The following SOX10 variants were observed in gnomAD, a reference collection of about 807,000 sequenced individuals.
SOX10 encodes the protein transcription factor SOX-10.
SOX10 carries 3 observed loss-of-function variants against 35.0 expected under a neutral mutation model. That is an observed-to-expected ratio of 0.09 (90% CI 0.04 to 0.22). SOX10 has a LOEUF of 0.22. SOX10 is among the 10% of genes least tolerant of loss of function. SOX10 has a pLI of 1.00. For synonymous variants in SOX10, 285 were observed against 291.0 expected, an observed-to-expected ratio of 0.98 and a Z score of 0.21; for missense variants, 436 against 655.1, an observed-to-expected ratio of 0.67 and a Z score of 3.65.
Position 37,983,248 on chromosome 22 carries a change from G to A in SOX10, c.428+109C>T. The A allele has an allele frequency of 2.3e-6, 3 of 1,287,584 alleles. No individual in the cohort carries two copies. Among genetic ancestry groups the A allele is most frequent in the African/African-American group, 1.5e-5 (1 of 68,204 alleles). The allele number at this position is 1,287,584 out of a possible 1,614,324, so 79.8% of individuals were successfully genotyped here. A position where few individuals can be genotyped will look rare whatever the true frequency, so the allele number is the denominator to read the frequency against. On this transcript the variant is annotated intron_variant, in intron 2 of 3. Transcript: ENST00000396884. The surrounding 1 kb of genome is among the most constrained non-coding windows in gnomAD (Gnocchi z 9.5). Reference sequence around the variant, plus strand: ...CTGGTCTTCCAGCCCTATCCAAGGAGGACTGCCAGACAGTCCCGCTCTGAG... The same window carrying A: ...CTGGTCTTCCAGCCCTATCCAAGGAAGACTGCCAGACAGTCCCGCTCTGAG...
chr22:37,972,403 A>G lies in SOX10; in HGVS notation c.*1092T>C. ...AGGAGAGGGGACTACTGAGATAAAT[A>G]ACAGGAGACAGTAATGAGTTACATG... On this transcript the variant is annotated 3_prime_UTR_variant, in exon 4 of 4. Transcript: ENST00000396884. The G allele has an allele frequency of 2.5e-6, 1 of 395,716 alleles. No homozygotes were observed. The highest frequency in any genetic ancestry group is 3.4e-5 in the Admixed American group (1 of 29,684). The allele number at this position is 395,716 out of a possible 1,614,324, so 24.5% of individuals were successfully genotyped here. A position where few individuals can be genotyped will look rare whatever the true frequency, so the allele number is the denominator to read the frequency against.
In SOX10 at chr22:37,974,347, G is replaced by GT. The variant is rs916489152; in HGVS notation, c.698-150dup. 5,931 of 582,076 alleles carry GT rather than the reference G, an allele frequency of 0.01. 186 individuals carry two copies. The highest frequency in any genetic ancestry group is 0.084 in the African/African-American group (4,173 of 49,750). The allele number at this position is 582,076 out of a possible 1,614,324, so 36.1% of individuals were successfully genotyped here. A position where few individuals can be genotyped will look rare whatever the true frequency, so the allele number is the denominator to read the frequency against. ...TTCACATTTTGGCAGCATGAGTCGG[G>GT]TTTTTTTTTGTTTTTTTTTTTTGAG... On this transcript the variant is annotated intron_variant, in intron 3 of 3. Coordinates refer to ENST00000396884, the MANE Select transcript of SOX10 (RefSeq NM_006941.4). The surrounding 1 kb of genome is among the most constrained non-coding windows in gnomAD (Gnocchi z 5.4).
In SOX10 at chr22:37,980,048, C is replaced by G. The variant is rs1932348372; in HGVS notation, c.429-1913G>C. ...TGCGGCTTAGCCTCCCTGTCTACTC[C>G]CCCCACCCCGGCCCTGAGCCCAGCC... On this transcript the variant is annotated intron_variant, in intron 2 of 3. Coordinates refer to ENST00000396884, the MANE Select transcript of SOX10 (RefSeq NM_006941.4). The surrounding 1 kb of genome is among the most constrained non-coding windows in gnomAD (Gnocchi z 4.1). 6.6e-6 allele frequency among the ~76,000 whole-genome samples: 1 copy of G among 152,158 alleles called. No homozygotes were observed. The highest frequency in any genetic ancestry group is 1.5e-5 in the Non-Finnish European group (1 of 68,024).
intron 3 of SOX10, among the ~76,000 whole-genome samples, chr22:37,976,084 G>T (rs1932211204): frequency 6.6e-6 from 1 of 152,102 alleles, no homozygotes; most frequent in South Asian, 2.1e-4. Context: ...TTAGCTGGGT[G>T]TGGTGGCGTG....
intron 3 of SOX10, among the ~76,000 whole-genome samples, chr22:37,977,234 T>C (rs1197658520): frequency 6.6e-6 from 1 of 151,218 alleles, no homozygotes; most frequent in Admixed American, 6.6e-5. Context: ...CATTTGCTCT[T>C]CCATTTCTCA....
intron 3 of SOX10, among the ~76,000 whole-genome samples, chr22:37,976,629 C>T (rs1932229074): frequency 6.6e-6 from 1 of 152,150 alleles, no homozygotes. Context: ...TGCCCGGGAG[C>T]CAAACTGGGG....
At position 37,973,493 on chromosome 22, in the gene SOX10, C is replaced by G; in HGVS notation, c.*2G>C. On this transcript the variant is annotated 3_prime_UTR_variant, in exon 4 of 4. Transcript: ENST00000396884. ...CGGGGGGTGGTGGCGACAGGGCCCC[C>G]TTTAGGGCCGGGACAGTGTCGTATA... 6.3e-7 allele frequency: 1 copy of G among 1,578,412 alleles called. No individual in the cohort carries two copies. Among genetic ancestry groups the G allele is most frequent in the Non-Finnish European group, 8.6e-7 (1 of 1,160,516 alleles).
intron 2 of SOX10, among the ~76,000 whole-genome samples, chr22:37,981,687 C>G (rs1932401107): frequency 6.6e-6 from 1 of 152,204 alleles, no homozygotes; most frequent in Non-Finnish European, 1.5e-5. Flanking sequence ...TCCTGGTTGT[C>G]TGTTTCTCAC....
intron 3 of SOX10, among the ~76,000 whole-genome samples, chr22:37,976,876 C>T (rs1293387813): frequency 1.3e-5 from 2 of 152,058 alleles, no homozygotes; most frequent in Admixed American, 1.3e-4. Flanking sequence ...CATGGCCAGA[C>T]ACGGTATCAC....
In SOX10 at chr22:37,973,767, G is replaced by C; in HGVS notation, c.1129C>G (p.Gln377Glu). 1 of 1,596,860 alleles carries C rather than the reference G, an allele frequency of 6.3e-7. No individual in the cohort carries two copies. Among genetic ancestry groups the C allele is most frequent in the Non-Finnish European group, 8.6e-7 (1 of 1,169,120 alleles). Residue 377 changes from glutamine (Q) to glutamate (E), a missense_variant, in exon 4 of 4, where the codon CAG becomes GAG. Physicochemically the swap from Gln to Glu is conservative, Grantham distance 29. This residue lies in a region of SOX10 where 285 missense variants were observed against 402.9 expected (regional missense o/e 0.71). Transcript: ENST00000396884. ...AGGCTGAGGGAGGTGTAGGCGATCTGTGAGGTGGATGGCTGGTCGGTGTAG... is the reference window on the plus strand; with the variant it reads ...AGGCTGAGGGAGGTGTAGGCGATCTCTGAGGTGGATGGCTGGTCGGTGTAG... ...PHYTDQPSTS[Q>E]IAYTSLSLPH...
At chr22:37,976,336 CG>C (rs1932219454) in intron 3 of SOX10, among the ~76,000 whole-genome samples, 1 of 152,222 alleles carries the variant, frequency 6.6e-6, no homozygotes, top group Admixed American at 6.5e-5. Flanking sequence ...GCTGGGACTG[CG>C]GGCGCATTCC....
Position 37,983,566 on chromosome 22 carries a change from G to A in SOX10, c.219C>T (p.Arg73=). Residue 73 remains arginine, a synonymous_variant, in exon 2 of 4, where the codon CGC becomes CGT. Transcript: ENST00000396884. The surrounding 1 kb of genome is among the most constrained non-coding windows in gnomAD (Gnocchi z 9.5). ...CGCTGAGCACCTGGCTGACGGCCTC[G>A]CGGATGCACACGGGGAACTTGTCAT... The part of the protein sequence containing the change: ...ADDDKFPVCI[R]EAVSQVLSGY... The A allele has an allele frequency of 1.2e-6, 2 of 1,610,394 alleles. No homozygotes were observed. The highest frequency in any genetic ancestry group is 8.5e-7 in the Non-Finnish European group (1 of 1,179,012).
Position 37,983,769 on chromosome 22 carries a change from C to T in SOX10, c.16G>A (p.Asp6Asn). Residue 6 changes from aspartate to asparagine, a missense_variant, in exon 2 of 4, where the codon GAC becomes AAC. By Grantham distance (23) the Asp-to-Asn change is conservative. This residue lies in a region of SOX10 where 97 missense variants were observed against 95.5 expected (regional missense o/e 1.02). Transcript: ENST00000396884. The surrounding 1 kb of genome is among the most constrained non-coding windows in gnomAD (Gnocchi z 9.5). MAEEQ[D>N]LSEVELSPVG... is the part of the protein sequence containing the mutation. ...GGGCTCAGCTCCACCTCCGATAGGTCCTGCTCCTCCGCCATGTCGCCCCCG... is the reference window on the plus strand; with the variant it reads ...GGGCTCAGCTCCACCTCCGATAGGTTCTGCTCCTCCGCCATGTCGCCCCCG... 3 of 1,470,076 alleles carry T rather than the reference C, an allele frequency of 2.0e-6. No homozygotes were observed. The highest frequency in any genetic ancestry group is 2.7e-6 in the Non-Finnish European group (3 of 1,114,108). 91.1% of individuals were successfully genotyped at this position (1,470,076 alleles called of 1,614,324 possible).
chr22:37,981,146 G>T (rs1291042758), intron 2 of SOX10, among the ~76,000 whole-genome samples: 2 of 152,204 alleles, frequency 1.3e-5, no homozygotes, highest in Non-Finnish European at 2.9e-5. Context: ...CACACAGTCT[G>T]TGTGTATCTT....
Position 37,974,085 on chromosome 22 carries a change from T to C in SOX10, c.811A>G (p.Ile271Val), listed in dbSNP as rs1234646551. ...RSMGEGGKPH[I>V]DFGNVDIGEI... is the part of the protein sequence containing the mutation. The stretch of plus-strand genomic sequence containing the variant: ...CCAATGTCCACGTTGCCGAAGTCGA[T>C]GTGAGGCTTCCCGCCCTCCCCCATG... The change falls in exon 4 of 4, where the codon ATC (isoleucine) becomes GTC (valine). Residue 271 changes from isoleucine to valine, a missense_variant. By Grantham distance (29) the Ile-to-Val change is conservative (BLOSUM62 3). Around this residue, in one of 3 missense-constraint regions of SOX10, gnomAD observed 285 missense variants for 402.9 expected, o/e 0.71. Coordinates refer to ENST00000396884, the MANE Select transcript of SOX10 (RefSeq NM_006941.4). The surrounding 1 kb of genome is among the most constrained non-coding windows in gnomAD (Gnocchi z 5.4). The C allele has an allele frequency of 6.2e-7, 1 of 1,613,884 alleles. No individual in the cohort carries two copies. The highest frequency in any genetic ancestry group is 2.2e-5 in the East Asian group (1 of 44,864).
Position 37,973,856 on chromosome 22 carries a change from GGT to G in SOX10, c.1038_1039del (p.Pro347ThrfsTer54). On this transcript the variant is annotated frameshift_variant, in exon 4 of 4. Transcript: ENST00000396884. LOFTEE classifies it high-confidence loss of function. ...CTGGGCTTTGGCATCCACACCAGGT[GGT>G]GAGACCGTGGGCAGAGCCACGCCTG... The G allele has an allele frequency of 6.2e-7, 1 of 1,608,330 alleles. No individual in the cohort carries two copies.
intron 3 of SOX10, 84 bp downstream of exon 3, chr22:37,977,783 G>T: frequency 6.9e-7 from 1 of 1,443,320 alleles, no homozygotes. Flanking sequence ...TCTCCCTAGA[G>T]TCCAGGGTCT....
intron 3 of SOX10, 98 bp downstream of exon 3, chr22:37,977,769 A>G (rs1932266075): frequency 1.5e-6 from 2 of 1,339,668 alleles, no homozygotes; most frequent in East Asian, 4.6e-5. Context: ...ACAGCCTGGC[A>G]CGCTCTCCCT....
Position 37,973,177 on chromosome 22 carries a change from T to C in SOX10, c.*318A>G. On this transcript the variant is annotated 3_prime_UTR_variant, in exon 4 of 4. Coordinates refer to ENST00000396884, the MANE Select transcript of SOX10 (RefSeq NM_006941.4). ...TGGTGCTTCCCCTCCCCGAGGAGGG[T>C]GAGCAGGCCCTTCTCAGGTCCTGGG... 1 of 322,620 alleles carries C rather than the reference T, an allele frequency of 3.1e-6. No homozygotes were observed. Among genetic ancestry groups the C allele is most frequent in the Admixed American group, 4.5e-5 (1 of 22,092 alleles). 20.0% of individuals were successfully genotyped at this position (322,620 alleles called of 1,614,324 possible).
Sources: allele counts gnomAD v4.1 joint callset (sites outside exome capture counted in the v4.1 genomes callset), GRCh38; gene constraint gnomAD v4.1.1; regional missense constraint gnomAD v4.1.1; non-coding constraint Gnocchi (gnomAD v3.1); transcripts MANE v1.5; gene names NCBI Gene and HGNC (gene_info 2026-07-23, HGNC 2026-07-21).